Variants in ATXN7L1 observed in about 807,000 individuals in gnomAD.
The protein encoded by ATXN7L1 is ataxin 7 like 1.
A neutral mutation model predicts 70.8 loss-of-function variants in ATXN7L1; 15 were observed. That is an observed-to-expected ratio of 0.21 (90% CI 0.14 to 0.33). ATXN7L1 has a LOEUF of 0.33. Ranked by LOEUF, ATXN7L1 falls within the 10% of genes least tolerant of loss-of-function variation. The pLI is 1.00. For missense variants in ATXN7L1, 975 were observed against 1,097.1 expected (o/e 0.89, Z 1.57); for synonymous variants, 440 against 445.1 (o/e 0.99, Z 0.14).
At chr7:105,618,160 A>G (rs920183555) in intron 9 of ATXN7L1, 1 of 425,298 alleles carries the variant, frequency 2.4e-6, no homozygotes, top group African/African-American at 2.0e-5. Context: ...ATACAGATCA[A>G]CACATTCCTT....
intron 2 of ATXN7L1, among the ~76,000 whole-genome samples, chr7:105,861,592 C>T (rs1816650912): frequency 6.6e-6 from 1 of 151,914 alleles, no homozygotes; most frequent in Admixed American, 6.6e-5. Context: ...CTGTCTGGTG[C>T]GGCACCCGGG....
chr7:105,708,198 A>G (rs1428924084), intron 3 of ATXN7L1, among the ~76,000 whole-genome samples: 1 of 152,182 alleles, frequency 6.6e-6, no homozygotes, highest in Non-Finnish European at 1.5e-5. Flanking sequence ...AGGCCTGCGT[A>G]CTGTTCCGTG....
intron 3 of ATXN7L1, among the ~76,000 whole-genome samples, chr7:105,705,081 A>G (rs1438044095): frequency 6.6e-6 from 1 of 151,474 alleles, no homozygotes; most frequent in Non-Finnish European, 1.5e-5. Flanking sequence ...CTGGAGTGCA[A>G]TGGTATGATC....
intron 2 of ATXN7L1, among the ~76,000 whole-genome samples, chr7:105,832,886 T>A (rs1811823577): frequency 6.6e-6 from 1 of 152,174 alleles, no homozygotes; most frequent in African/African-American, 2.4e-5. Context: ...TAGAGCCAGC[T>A]CTACCTTCAC....
At chr7:105,677,072 A>G (rs1804790013) in intron 3 of ATXN7L1, among the ~76,000 whole-genome samples, 1 of 152,218 alleles carries the variant, frequency 6.6e-6, no homozygotes, top group Admixed American at 6.5e-5. Flanking sequence ...GAGGCAGAGC[A>G]GGTGCCAGGC....
intron 3 of ATXN7L1, among the ~76,000 whole-genome samples, chr7:105,727,746 G>GTGTGTATATATATATATATATATATATA (rs1333693053): frequency 3.6e-5 from 2 of 55,356 alleles, no homozygotes; most frequent in African/African-American, 9.8e-5. Context: ...GTGTATGTGT[G>GTGTGTATATATATATATATATATATATA]TATATATATA....
At chr7:105,697,179 G>A (rs1005435071) in intron 3 of ATXN7L1, among the ~76,000 whole-genome samples, 6 of 152,180 alleles carry the variant, frequency 3.9e-5, no homozygotes, top group Non-Finnish European at 8.8e-5. Context: ...CAGGAGACAG[G>A]GTTTTGAGAT....
intron 3 of ATXN7L1, among the ~76,000 whole-genome samples, chr7:105,679,832 G>C (rs558790136): frequency 1.3e-5 from 2 of 151,992 alleles, no homozygotes; most frequent in Admixed American, 1.3e-4. Flanking sequence ...TTCTTTAGGG[G>C]TGATGGTTGC....
intron 3 of ATXN7L1, among the ~76,000 whole-genome samples, chr7:105,772,677 T>C (rs775432583): frequency 1.3e-5 from 2 of 152,154 alleles, no homozygotes; most frequent in Non-Finnish European, 2.9e-5. Flanking sequence ...CTGACACACT[T>C]AGAATTATCA....
chr7:105,715,772 A>G (rs921946471), intron 3 of ATXN7L1, among the ~76,000 whole-genome samples: 1 of 152,224 alleles, frequency 6.6e-6, no homozygotes, highest in Non-Finnish European at 1.5e-5. Flanking sequence ...TGCAAACCCC[A>G]GAGGTGGAGA....
chr7:105,853,719 G>A (rs1199353370), intron 2 of ATXN7L1, among the ~76,000 whole-genome samples: 1 of 152,104 alleles, frequency 6.6e-6, no homozygotes, highest in Non-Finnish European at 1.5e-5. Context: ...AGCAGAGATT[G>A]CACCACTGCA....
intron 2 of ATXN7L1, among the ~76,000 whole-genome samples, chr7:105,822,512 T>TA (rs1467012488): frequency 2.6e-5 from 4 of 152,200 alleles, no homozygotes; most frequent in African/African-American, 9.7e-5. Flanking sequence ...GGTGGTGGAA[T>TA]AAACTCAGGG....
At chr7:105,738,975 A>C (rs189681027) in intron 3 of ATXN7L1, among the ~76,000 whole-genome samples, 19 of 152,194 alleles carry the variant, frequency 1.2e-4, no homozygotes, top group Admixed American at 1.0e-3. Context: ...AAAATTTGCA[A>C]CCAAGGTCCA....
intron 2 of ATXN7L1, among the ~76,000 whole-genome samples, chr7:105,851,607 C>T (rs1455397228): frequency 6.6e-6 from 1 of 152,212 alleles, no homozygotes; most frequent in Non-Finnish European, 1.5e-5. Flanking sequence ...AAGCAGCAAG[C>T]TTATTCCTCA....
intron 9 of ATXN7L1, among the ~76,000 whole-genome samples, chr7:105,617,287 GT>G (rs1477425245): frequency 6.6e-6 from 1 of 152,148 alleles, no homozygotes; most frequent in African/African-American, 2.4e-5. Flanking sequence ...GCCTCCCAAA[GT>G]GCTGGGATTA....
At chr7:105,707,522 G>T (rs1428310891) in intron 3 of ATXN7L1, among the ~76,000 whole-genome samples, 1 of 152,138 alleles carries the variant, frequency 6.6e-6, no homozygotes, top group East Asian at 1.9e-4. Flanking sequence ...ACAGCCTTTG[G>T]TATGCAGGGC....
At chr7:105,737,813 G>A (rs1054744635) in intron 3 of ATXN7L1, among the ~76,000 whole-genome samples, 3 of 152,130 alleles carry the variant, frequency 2.0e-5, no homozygotes, top group African/African-American at 4.8e-5. Flanking sequence ...GCTCGTAAGC[G>A]GGGAGTATGA....
At chr7:105,686,163 C>T (rs1430362315) in intron 3 of ATXN7L1, among the ~76,000 whole-genome samples, 2 of 152,048 alleles carry the variant, frequency 1.3e-5, no homozygotes. Flanking sequence ...TGCTCTCTGA[C>T]TTACAATGGG....
At chr7:105,678,982 C>T in intron 3 of ATXN7L1, 1 of 796,358 alleles carries the variant, frequency 1.3e-6, no homozygotes, top group Non-Finnish European at 1.5e-6. Flanking sequence ...CTGCCAGGAT[C>T]TCTGTTCCGT....
Sources: gnomAD v4.1 joint callset for allele counts (sites outside exome capture counted in the v4.1 genomes callset) on GRCh38, gnomAD v4.1.1 for gene constraint, MANE v1.5 for transcripts, NCBI Gene and HGNC (gene_info 2026-07-23, HGNC 2026-07-21) for gene names.